FIGN: variants seen among roughly 807,000 people sequenced by gnomAD.
FIGN encodes fidgetin.
In FIGN, 11 loss-of-function variants were observed where a neutral mutation model predicts 51.3. The observed-to-expected ratio is 0.21, with a 90% CI of 0.13 to 0.35. FIGN has a LOEUF of 0.35. Ranked by LOEUF, FIGN falls within the 10% of genes least tolerant of loss-of-function variation. The pLI is 1.00. For synonymous variants in FIGN, 407 were observed against 363.2 expected, an observed-to-expected ratio of 1.12 and a Z score of -1.37; for missense variants, 857 against 943.6, an observed-to-expected ratio of 0.91 and a Z score of 1.20.
chr2:163,680,957 A>G (rs1260532141), intron 2 of FIGN, among the ~76,000 whole-genome samples: 1 of 152,202 alleles, frequency 6.6e-6, no homozygotes, highest in East Asian at 1.9e-4. Context: ...GGCATGTGCC[A>G]GACACTATGC....
intron 2 of FIGN, among the ~76,000 whole-genome samples, chr2:163,662,469 C>T (rs756211869): frequency 1.3e-5 from 2 of 152,194 alleles, no homozygotes; most frequent in Non-Finnish European, 2.9e-5. Flanking sequence ...ATTCAAGCTG[C>T]AGAAATTTGC....
intron 2 of FIGN, among the ~76,000 whole-genome samples, chr2:163,616,428 G>A (rs563492851): frequency 2.6e-5 from 4 of 152,220 alleles, no homozygotes; most frequent in South Asian, 4.1e-4. Flanking sequence ...CCTTATATAC[G>A]TGTACTATTC....
At chr2:163,621,147 GACAAAAGAGTAAGAATGTTATTC>G (rs1682965321) in intron 2 of FIGN, among the ~76,000 whole-genome samples, 1 of 152,026 alleles carries the variant, frequency 6.6e-6, no homozygotes, top group Non-Finnish European at 1.5e-5. Context: ...CATATAATTA[GACAAAAGAGTAAGAATGTTATTC>G]ACATGTTGAG....
At chr2:163,702,769 A>G (rs1369475221) in intron 2 of FIGN, among the ~76,000 whole-genome samples, 5 of 152,164 alleles carry the variant, frequency 3.3e-5, no homozygotes, top group African/African-American at 1.2e-4. Flanking sequence ...AAATCAATCC[A>G]TCTAACACAG....
At chr2:163,652,179 G>A (rs1002640833) in intron 2 of FIGN, among the ~76,000 whole-genome samples, 10 of 152,010 alleles carry the variant, frequency 6.6e-5, no homozygotes, top group South Asian at 2.1e-4. Flanking sequence ...ACAAAATAAC[G>A]TTGTAGCAAA....
chr2:163,704,233 CT>C (rs1684455612), intron 2 of FIGN, among the ~76,000 whole-genome samples: 2 of 152,190 alleles, frequency 1.3e-5, no homozygotes, highest in African/African-American at 4.8e-5. Context: ...TTAGATAGAG[CT>C]TTCCCCTCAT....
intron 2 of FIGN, among the ~76,000 whole-genome samples, chr2:163,707,585 A>C (rs1481160887): frequency 6.6e-6 from 1 of 152,214 alleles, no homozygotes; most frequent in Non-Finnish European, 1.5e-5. Flanking sequence ...ATATCAAGCA[A>C]CATTTGAAAA....
At chr2:163,620,625 A>T (rs903334831) in intron 2 of FIGN, among the ~76,000 whole-genome samples, 1 of 152,152 alleles carries the variant, frequency 6.6e-6, no homozygotes. Flanking sequence ...TTTATTTTTT[A>T]AAATATTTTG....
chr2:163,665,823 C>G (rs1410814908), intron 2 of FIGN, among the ~76,000 whole-genome samples: 11 of 152,040 alleles, frequency 7.2e-5, no homozygotes, highest in Non-Finnish European at 1.5e-5. Context: ...GATTCTTTTT[C>G]CCCCTTTATT....
intron 2 of FIGN, among the ~76,000 whole-genome samples, chr2:163,621,555 A>G (rs1485199490): frequency 6.6e-6 from 1 of 152,174 alleles, no homozygotes; most frequent in East Asian, 1.9e-4. Flanking sequence ...TTAGAATACA[A>G]CCAGCACAGC....
chr2:163,608,650 A>G lies in FIGN; in HGVS notation c.*902T>C, dbSNP rs1160328652. ...ACTAAGAACTCTTGCAGTTATTGAC[A>G]TAAAGAATTATTCTGCTCTGGTTAA... is the stretch of plus-strand genomic sequence containing the variant. On this transcript the variant is annotated 3_prime_UTR_variant, in exon 3 of 3. Transcript: ENST00000333129. 6.6e-6 allele frequency: 1 copy of G among 152,312 alleles called. No homozygotes were observed. Among genetic ancestry groups the G allele is most frequent in the Admixed American group, 6.5e-5 (1 of 15,284 alleles). 9.4% of individuals were successfully genotyped at this position (152,312 alleles called of 1,614,324 possible). A position where few individuals can be genotyped will look rare whatever the true frequency, so the allele number is the denominator to read the frequency against.
chr2:163,636,528 G>A (rs1040035058), intron 2 of FIGN, among the ~76,000 whole-genome samples: 12 of 152,026 alleles, frequency 7.9e-5, no homozygotes, highest in East Asian at 3.9e-4. Flanking sequence ...CAGGTGATCC[G>A]CCTGCCTCAG....
intron 2 of FIGN, among the ~76,000 whole-genome samples, chr2:163,718,853 G>C (rs1684711655): frequency 6.6e-6 from 1 of 151,738 alleles, no homozygotes; most frequent in South Asian, 2.1e-4. Flanking sequence ...GAGAGAGAGA[G>C]AGAGAGAGAC....
At chr2:163,649,062 A>G (rs1040679527) in intron 2 of FIGN, among the ~76,000 whole-genome samples, 1 of 152,200 alleles carries the variant, frequency 6.6e-6, no homozygotes, top group Non-Finnish European at 1.5e-5. Context: ...AATATACTAT[A>G]TTTTGAAGCT....
At chr2:163,669,421 G>T (rs1472743690) in intron 2 of FIGN, among the ~76,000 whole-genome samples, 1 of 152,072 alleles carries the variant, frequency 6.6e-6, no homozygotes, top group Non-Finnish European at 1.5e-5. Flanking sequence ...TTCCTATGTT[G>T]CCCAGGCTTA....
At chr2:163,697,100 C>CTTTTTTTTTTTTTTTTTTTTTTT (rs1258378034) in intron 2 of FIGN, among the ~76,000 whole-genome samples, 1 of 108,432 alleles carries the variant, frequency 9.2e-6, no homozygotes. Context: ...CTTTTCTTTT[C>CTTTTTTTTTTTTTTTTTTTTTTT]TTTCTTTTTT....
intron 2 of FIGN, among the ~76,000 whole-genome samples, chr2:163,655,975 C>G (rs1242391021): frequency 6.6e-6 from 1 of 152,138 alleles, no homozygotes; most frequent in Non-Finnish European, 1.5e-5. Flanking sequence ...TTTGTAACAA[C>G]TATTTTAGCA....
intron 2 of FIGN, among the ~76,000 whole-genome samples, chr2:163,716,223 C>A (rs1320354728): frequency 6.6e-5 from 10 of 152,168 alleles, no homozygotes; most frequent in Admixed American, 6.5e-4. Flanking sequence ...ATTACTGGAG[C>A]AGATCTATGG....
intron 2 of FIGN, among the ~76,000 whole-genome samples, chr2:163,671,018 T>C (rs544898268): frequency 2.6e-5 from 4 of 152,296 alleles, no homozygotes; most frequent in Admixed American, 1.3e-4. Context: ...TCAAGATCAG[T>C]CTGGAACTGG....
Sources: allele counts gnomAD v4.1 joint callset (sites outside exome capture counted in the v4.1 genomes callset), GRCh38; gene constraint gnomAD v4.1.1; transcripts MANE v1.5; gene names NCBI Gene and HGNC (gene_info 2026-07-23, HGNC 2026-07-21).